RAP1A: variants seen among roughly 807,000 people sequenced by gnomAD.
RAP1A encodes RAP1A, member of RAS oncogene family.
RAP1A carries 6 observed loss-of-function variants against 26.4 expected under a neutral mutation model. The observed-to-expected ratio is 0.23, with a 90% CI of 0.12 to 0.45. The LOEUF is 0.45. Among genes scored for constraint, RAP1A ranks in the 20% least tolerant of loss-of-function variants. The probability of loss-of-function intolerance (pLI) is 0.99; values close to 1 mark genes in which losing one functional copy is unlikely to be tolerated. For synonymous variants in RAP1A, 73 were observed against 79.4 expected (o/e 0.92, Z 0.43); for missense variants, 121 against 217.2 (o/e 0.56, Z 2.78).
intron 1 of RAP1A, among the ~76,000 whole-genome samples, chr1:111,595,189 A>G (rs931397073): frequency 5.3e-5 from 8 of 152,212 alleles, no homozygotes; most frequent in African/African-American, 2.4e-5. Context: ...GATTTAATTA[A>G]TGTACGAAAT....
chr1:111,699,798 C>T lies in RAP1A; in HGVS notation c.183+2301C>T, dbSNP rs1045398104. Among the ~76,000 whole-genome samples the T allele has an allele frequency of 5.3e-5, 8 of 152,078 alleles. No homozygotes were observed. The East Asian group carries it at 1.5e-3, about 29-fold the overall frequency. On this transcript the variant is annotated intron_variant, in intron 4 of 7. Coordinates refer to ENST00000369709, the MANE Select transcript of RAP1A (RefSeq NM_002884.4). ...CATTTCCTTTAGTGCCCTTCAACTT[C>T]GTTACAACCTGTAGTCCATTTATCC...
At chr1:111,607,482 A>G (rs560226121) in intron 1 of RAP1A, among the ~76,000 whole-genome samples, 5 of 152,342 alleles carry the variant, frequency 3.3e-5, no homozygotes, top group Non-Finnish European at 5.9e-5. Context: ...TCTATTCCAC[A>G]AAACCGCCAT....
At chr1:111,554,726 G>A (rs1454317078) in intron 1 of RAP1A, among the ~76,000 whole-genome samples, 2 of 152,252 alleles carry the variant, frequency 1.3e-5, no homozygotes, top group Admixed American at 1.3e-4. Flanking sequence ...TTCAAATAAG[G>A]TTACAGCCTG....
intron 1 of RAP1A, among the ~76,000 whole-genome samples, chr1:111,665,839 G>A (rs1660784390): frequency 6.6e-6 from 1 of 152,124 alleles, no homozygotes; most frequent in Non-Finnish European, 1.5e-5. Context: ...CATTTAGGAG[G>A]AAAAGTTATA....
At chr1:111,660,979 T>C (rs1660618185) in intron 1 of RAP1A, among the ~76,000 whole-genome samples, 1 of 152,216 alleles carries the variant, frequency 6.6e-6, no homozygotes, top group Non-Finnish European at 1.5e-5. Context: ...CTACATGCCA[T>C]ATGGACTACG....
At chr1:111,622,648 C>A (rs1021326459) in intron 1 of RAP1A, among the ~76,000 whole-genome samples, 13 of 152,208 alleles carry the variant, frequency 8.5e-5, no homozygotes, top group Non-Finnish European at 1.9e-4. Flanking sequence ...TGTATACTTG[C>A]ATTGGACATT....
At chr1:111,692,249 A>AGAAGG (rs1460946816) in intron 2 of RAP1A, among the ~76,000 whole-genome samples, 1 of 152,224 alleles carries the variant, frequency 6.6e-6, no homozygotes, top group Non-Finnish European at 1.5e-5. Flanking sequence ...GATTAAAAGA[A>AGAAGG]GAAGGGAAAC....
At chr1:111,697,570 A>T in intron 4 of RAP1A, 73 bp downstream of exon 4, 1 of 1,590,812 alleles carries the variant, frequency 6.3e-7, no homozygotes, top group South Asian at 1.1e-5. Context: ...AGGTTTTGTC[A>T]TCCAGATAAT....
intron 1 of RAP1A, among the ~76,000 whole-genome samples, chr1:111,681,488 G>A (rs1282944502): frequency 1.3e-5 from 2 of 152,144 alleles, no homozygotes; most frequent in Non-Finnish European, 2.9e-5. Flanking sequence ...AGAATAACCA[G>A]TTTAGAGAAG....
chr1:111,666,201 C>T (rs1660791879), intron 1 of RAP1A, among the ~76,000 whole-genome samples: 1 of 152,172 alleles, frequency 6.6e-6, no homozygotes, highest in African/African-American at 2.4e-5. Flanking sequence ...TGAAAATTCA[C>T]AGTAAACAAA....
intron 1 of RAP1A, among the ~76,000 whole-genome samples, chr1:111,622,189 A>T (rs1281648423): frequency 6.6e-6 from 1 of 152,156 alleles, no homozygotes; most frequent in Non-Finnish European, 1.5e-5. Flanking sequence ...GTTGATTTCC[A>T]CACAGCAGCT....
intron 1 of RAP1A, among the ~76,000 whole-genome samples, chr1:111,665,156 G>A (rs1186582501): frequency 6.6e-6 from 1 of 152,050 alleles, no homozygotes; most frequent in Non-Finnish European, 1.5e-5. Context: ...TTGGTTACAC[G>A]GTTTTACTTT....
At chr1:111,681,956 G>C (rs530584708) in intron 1 of RAP1A, among the ~76,000 whole-genome samples, 1 of 152,148 alleles carries the variant, frequency 6.6e-6, no homozygotes, top group Non-Finnish European at 1.5e-5. Flanking sequence ...GAAAGATCAC[G>C]TTACCCACAA....
chr1:111,570,526 C>T (rs1214551663), intron 1 of RAP1A, among the ~76,000 whole-genome samples: 4 of 152,224 alleles, frequency 2.6e-5, no homozygotes, highest in South Asian at 4.2e-4. Context: ...TTCTTCAATT[C>T]TCCAACACCA....
rs182362967 is a variant in RAP1A at position 111,563,188 on chromosome 1, T to A, written c.-28+20679T>A. Among the ~76,000 whole-genome samples the A allele has an allele frequency of 3.7e-3, 556 of 152,118 alleles. 2 individuals carry two copies. The highest frequency in any genetic ancestry group is 0.013 in the African/African-American group (520 of 41,496). On this transcript the variant is annotated intron_variant, in intron 1 of 7. Transcript: ENST00000356415. Reference sequence around the variant, plus strand: ...TACTCAGGTGGCTGAGGCAGGAGGATCGATTTAGCCCAGGAGGTTGAGGCC... The same window carrying A: ...TACTCAGGTGGCTGAGGCAGGAGGAACGATTTAGCCCAGGAGGTTGAGGCC...
chr1:111,659,880 A>G (rs1660578555), intron 1 of RAP1A, among the ~76,000 whole-genome samples: 1 of 152,196 alleles, frequency 6.6e-6, no homozygotes. Context: ...ACCTTGGAAC[A>G]GAATATTCTT....
chr1:111,672,784 T>G lies in RAP1A; in HGVS notation c.-27-18550T>G, dbSNP rs970665012. On this transcript the variant is annotated intron_variant, in intron 1 of 7. Transcript: ENST00000369709. Reference sequence around the variant, plus strand: ...GAATATGTTTTTTCTTTCTACAAGTTTTTTAGGATTTTGTCTTTGTTTTTA... The same window carrying G: ...GAATATGTTTTTTCTTTCTACAAGTGTTTTAGGATTTTGTCTTTGTTTTTA... Among the ~76,000 whole-genome samples the G allele has an allele frequency of 5.3e-5, 8 of 152,310 alleles. No individual in the cohort carries two copies. The South Asian group carries it at 1.2e-3, about 24-fold the overall frequency.
chr1:111,587,124 C>A (rs1348107017), intron 1 of RAP1A, among the ~76,000 whole-genome samples: 1 of 152,244 alleles, frequency 6.6e-6, no homozygotes, highest in South Asian at 2.1e-4. Context: ...TCTATGACAT[C>A]CCATCCCTGC....
At chr1:111,710,206 G>C (rs1662333785) in intron 7 of RAP1A, among the ~76,000 whole-genome samples, 2 of 152,168 alleles carry the variant, frequency 1.3e-5, no homozygotes, top group Non-Finnish European at 2.9e-5. Context: ...AATTTTGGTA[G>C]TTATTTCCCT....
Sources: allele counts gnomAD v4.1 joint callset (sites outside exome capture counted in the v4.1 genomes callset), GRCh38; gene constraint gnomAD v4.1.1; transcripts MANE v1.5; gene names NCBI Gene and HGNC (gene_info 2026-07-23, HGNC 2026-07-21).